Variants in TLN2 observed in about 807,000 individuals in gnomAD.
The protein encoded by TLN2 is talin 2.
Under a neutral mutation model 294.7 loss-of-function variants are expected in TLN2, and 118 were observed. The observed-to-expected ratio is 0.40, with a 90% CI of 0.34 to 0.47. TLN2 has a LOEUF of 0.47. TLN2 is among the 20% of genes least tolerant of loss of function. The pLI is 0.84. For missense variants in TLN2, 3,083 were observed against 3,282.2 expected, an observed-to-expected ratio of 0.94 and a Z score of 1.48; for synonymous variants, 1,431 against 1,304.5, an observed-to-expected ratio of 1.10 and a Z score of -2.09.
At chr15:62,742,008 T>TC in intron 32 of TLN2, among the ~76,000 whole-genome samples, 1 of 254 alleles carries the variant, frequency 3.9e-3, no homozygotes, top group Non-Finnish European at 0.071. Context: ...CCTTCCTCCC[T>TC]CTTGGCTTGT....
At chr15:62,595,124 C>G (rs1251036055) in intron 2 of TLN2, among the ~76,000 whole-genome samples, 3 of 152,078 alleles carry the variant, frequency 2.0e-5, no homozygotes, top group Admixed American at 2.0e-4. Flanking sequence ...TGGCTATCAT[C>G]AAAACAATGA....
chr15:62,499,136 A>G (rs2039169019), intron 1 of TLN2, among the ~76,000 whole-genome samples: 1 of 151,994 alleles, frequency 6.6e-6, no homozygotes, highest in Admixed American at 6.5e-5. Context: ...TCTTTCTGCT[A>G]CCTGGGACAT....
intron 1 of TLN2, among the ~76,000 whole-genome samples, chr15:62,558,518 T>A (rs2042731754): frequency 6.6e-6 from 1 of 151,980 alleles, no homozygotes; most frequent in African/African-American, 2.4e-5. Flanking sequence ...CAGACCCCGT[T>A]CTTAGTTGGA....
In TLN2 at chr15:62,530,997, T is replaced by C. The variant is rs1394752011; in HGVS notation, c.-237-58690T>C. 3.9e-5 allele frequency among the ~76,000 whole-genome samples: 6 copies of C among 152,300 alleles called. No individual in the cohort carries two copies. In the East Asian group the frequency reaches 1.2e-3, roughly 29 times the overall value. On this transcript the variant is annotated intron_variant, in intron 1 of 58. Transcript: ENST00000636159. ...GTCTATTGTTTTAGTCGTGAATAAT[T>C]TTTCCTATATCATTTGTCTTTATAG...
chr15:62,819,944 C>A (rs1206185858), intron 53 of TLN2, among the ~76,000 whole-genome samples: 1 of 152,128 alleles, frequency 6.6e-6, no homozygotes, highest in Non-Finnish European at 1.5e-5. Flanking sequence ...ATTTATTCTC[C>A]TTCAAATAGT....
At chr15:62,399,252 C>CAAA (rs1275645462) in intron 1 of TLN2, among the ~76,000 whole-genome samples, 6 of 2,590 alleles carry the variant, frequency 2.3e-3, no homozygotes, top group Admixed American at 4.3e-3. Context: ...GACTCCGTCT[C>CAAA]AAACAAAAAA....
chr15:62,644,618 C>A, intron 3 of TLN2: 1 of 456,070 alleles, frequency 2.2e-6, no homozygotes. Context: ...GCTCTCTGAG[C>A]CTCTCTCCTG....
chr15:62,833,786 C>A lies in TLN2; in HGVS notation c.7128+157C>A, dbSNP rs2069141020. 1.3e-5 allele frequency: 14 copies of A among 1,081,656 alleles called. No homozygotes were observed. The South Asian group carries it at 1.6e-4, about 12-fold the overall frequency. The allele number at this position is 1,081,656 out of a possible 1,614,324, so 67.0% of individuals were successfully genotyped here. A position where few individuals can be genotyped will look rare whatever the true frequency, so the allele number is the denominator to read the frequency against. ...CTCTGTGCTGACCGACTGAAAACTA[C>A]AGCCTTCAGACCAACAGAATAAGAG... is the stretch of plus-strand genomic sequence containing the variant. On this transcript the variant is annotated intron_variant, in intron 55 of 58. Transcript: ENST00000636159.
chr15:62,419,376 C>T (rs2034259664), intron 1 of TLN2, among the ~76,000 whole-genome samples: 1 of 152,202 alleles, frequency 6.6e-6, no homozygotes, highest in Non-Finnish European at 1.5e-5. Context: ...CTGTCTAAAA[C>T]TGGCTTAAAG....
chr15:62,486,452 G>GTTTTTTTT (rs34975634), intron 1 of TLN2, among the ~76,000 whole-genome samples: 40 of 93,268 alleles, frequency 4.3e-4, no homozygotes, highest in Non-Finnish European at 5.4e-4. Context: ...CAGTTCCTTT[G>GTTTTTTTT]TTTTTTTTTT....
chr15:62,567,368 A>G (rs1026913316), intron 1 of TLN2, among the ~76,000 whole-genome samples: 4 of 152,244 alleles, frequency 2.6e-5, no homozygotes, highest in Non-Finnish European at 5.9e-5. Flanking sequence ...TGAAGTTTGG[A>G]ACACATTGTC....
chr15:62,593,523 A>C (rs1403438557), intron 2 of TLN2, among the ~76,000 whole-genome samples: 1 of 152,224 alleles, frequency 6.6e-6, no homozygotes, highest in African/African-American at 2.4e-5. Context: ...CACATTAAGA[A>C]GCCCCCCTGG....
intron 1 of TLN2, among the ~76,000 whole-genome samples, chr15:62,422,884 A>G (rs1380002845): frequency 2.0e-5 from 3 of 152,292 alleles, no homozygotes; most frequent in Non-Finnish European, 2.9e-5. Flanking sequence ...GGAGATGCTG[A>G]TTTAGCTTGC....
chr15:62,710,443 T>C (rs905409642), intron 21 of TLN2, among the ~76,000 whole-genome samples: 1 of 152,202 alleles, frequency 6.6e-6, no homozygotes, highest in African/African-American at 2.4e-5. Context: ...TATCCTTAAA[T>C]AATTTAACAA....
intron 25 of TLN2, among the ~76,000 whole-genome samples, chr15:62,720,852 C>T (rs967558853): frequency 6.6e-5 from 10 of 152,100 alleles, no homozygotes; most frequent in African/African-American, 1.2e-4. Flanking sequence ...TCATGAATAA[C>T]GTGATAAAAA....
At chr15:62,535,448 G>A (rs2041283229) in intron 1 of TLN2, among the ~76,000 whole-genome samples, 1 of 148,480 alleles carries the variant, frequency 6.7e-6, no homozygotes, top group African/African-American at 2.5e-5. Context: ...GGACAGCATA[G>A]TGAGACCCTG....
At chr15:62,785,607 A>G (rs368081359) in intron 45 of TLN2, among the ~76,000 whole-genome samples, 67 of 145,710 alleles carry the variant, frequency 4.6e-4, no homozygotes, top group African/African-American at 1.6e-3. Context: ...AGCCAAGACT[A>G]TGCACTGCCC....
Position 62,783,719 on chromosome 15 carries a change from C to CTGTG in TLN2, c.5617-51_5617-50insGTGT. ...TAACACATGGTTCTCATGCGTTTCT[C>CTGTG]TCTGTGTGTGTGTGTGTGTGTGTGT... On this transcript the variant is annotated intron_variant, in intron 44 of 58. Transcript: ENST00000636159. The CTGTG allele has an allele frequency of 2.1e-6, 3 of 1,458,234 alleles. No individual in the cohort carries two copies. The South Asian group carries it at 3.9e-5, about 19-fold the overall frequency. The allele number at this position is 1,458,234 out of a possible 1,614,324, so 90.3% of individuals were successfully genotyped here.
At chr15:62,450,880 A>C (rs907476358) in intron 1 of TLN2, among the ~76,000 whole-genome samples, 1 of 150,992 alleles carries the variant, frequency 6.6e-6, no homozygotes, top group African/African-American at 2.4e-5. Flanking sequence ...CCATATATCT[A>C]TATATATATT....
Sources: allele counts gnomAD v4.1 joint callset (sites outside exome capture counted in the v4.1 genomes callset), GRCh38; gene constraint gnomAD v4.1.1; transcripts MANE v1.5; gene names NCBI Gene and HGNC (gene_info 2026-07-23, HGNC 2026-07-21).